LINGO2: variants seen among roughly 807,000 people sequenced by gnomAD.
LINGO2 encodes leucine rich repeat and Ig domain containing 2.
Under a neutral mutation model 30.6 loss-of-function variants are expected in LINGO2, and 14 were observed. That is an observed-to-expected ratio of 0.46 (90% CI 0.30 to 0.72). The LOEUF (loss-of-function observed/expected upper bound fraction) is 0.72, where lower values mean the gene tolerates loss of function less well. Among genes scored for constraint, LINGO2 ranks in the 30% least tolerant of loss-of-function variants. The pLI is 0.07. For synonymous variants in LINGO2, 317 were observed against 288.5 expected (o/e 1.10, Z -1.00); for missense variants, 729 against 751.7 (o/e 0.97, Z 0.35).
At chr9:28,674,842 T>C (rs566762988), upstream of LINGO2, among the ~76,000 whole-genome samples, 2 of 152,240 alleles carry the variant, frequency 1.3e-5, no homozygotes, top group East Asian at 3.9e-4. Flanking sequence ...TAACACAGCA[T>C]CACTAAAGGA....
At chr9:29,151,788 C>T in the LINGO2 span, among the ~76,000 whole-genome samples, 2 of 152,106 alleles carry the variant, frequency 1.3e-5, no homozygotes, top group Admixed American at 1.3e-4. Flanking sequence ...GACAGATATA[C>T]AGTAATAGTG....
chr9:27,989,445 CTGTGTGTGTGTGTG>C lies in LINGO2; in HGVS notation c.-36+22896_-36+22909del, dbSNP rs5897262. On this transcript the variant is annotated intron_variant, in intron 5 of 5. Transcript: ENST00000379992. ...TAATGAATAACAGAGTGAATGCTCT[CTGTGTGTGTGTGTG>C]TGTGTGTGTGTGTGTGTGTATGTGT... 1.3e-4 allele frequency among the ~76,000 whole-genome samples: 19 copies of C among 150,376 alleles called. 1 individual carries two copies. The highest frequency in any genetic ancestry group is 4.2e-4 in the South Asian group (2 of 4,746).
intron 1 of LINGO2, among the ~76,000 whole-genome samples, chr9:28,550,953 T>C (rs1822248413): frequency 6.6e-6 from 1 of 151,726 alleles, no homozygotes; most frequent in Non-Finnish European, 1.5e-5. Flanking sequence ...AGTAGTTACT[T>C]ATGAGAGAAA....
intron 1 of LINGO2, among the ~76,000 whole-genome samples, chr9:28,656,690 G>C (rs1828359856): frequency 6.6e-6 from 1 of 152,014 alleles, no homozygotes; most frequent in Admixed American, 6.6e-5. Flanking sequence ...ATAGGGACAA[G>C]GAGGAAAATT....
At chr9:28,046,322 G>A (rs2133026754) in intron 4 of LINGO2, among the ~76,000 whole-genome samples, 1 of 152,252 alleles carries the variant, frequency 6.6e-6, no homozygotes, top group Middle Eastern at 3.4e-3. Context: ...TCCAGTCTTA[G>A]CCTGTATCAG....
chr9:28,104,717 C>A (rs1256065162), intron 4 of LINGO2, among the ~76,000 whole-genome samples: 1 of 151,964 alleles, frequency 6.6e-6, no homozygotes, highest in African/African-American at 2.4e-5. Context: ...TCAAATTTGC[C>A]ATAATTTAAA....
At chr9:27,943,614 G>A (rs1823251455), downstream of LINGO2, 1 of 22,120 alleles carries the variant, frequency 4.5e-5, no homozygotes, top group South Asian at 5.2e-3. Context: ...GATAGCTGGA[G>A]GGTTTTTTTT....
chr9:28,916,959 A>G, the LINGO2 span, among the ~76,000 whole-genome samples: 1 of 152,212 alleles, frequency 6.6e-6, no homozygotes, highest in African/African-American at 2.4e-5. Flanking sequence ...TCTTCTCAAT[A>G]TATGTAAGGA....
the LINGO2 span, among the ~76,000 whole-genome samples, chr9:28,751,795 T>C: frequency 6.6e-6 from 1 of 152,030 alleles, no homozygotes; most frequent in Admixed American, 6.6e-5. Context: ...AAAGATTTTA[T>C]CGTATGTATT....
chr9:28,482,458 T>G (rs960932847), intron 1 of LINGO2, among the ~76,000 whole-genome samples: 8 of 152,224 alleles, frequency 5.3e-5, no homozygotes, highest in Non-Finnish European at 7.4e-5. Context: ...TTTGCCCACT[T>G]TTTGATGGGG....
At chr9:28,246,265 A>C (rs1424853161) in intron 4 of LINGO2, among the ~76,000 whole-genome samples, 2 of 152,046 alleles carry the variant, frequency 1.3e-5, no homozygotes, top group Non-Finnish European at 2.9e-5. Context: ...CTCTACTAAA[A>C]ATACCAAAAT....
At chr9:29,203,325 G>C in the LINGO2 span, among the ~76,000 whole-genome samples, 1 of 152,252 alleles carries the variant, frequency 6.6e-6, no homozygotes, top group South Asian at 2.1e-4. Context: ...AGTGTTTAAG[G>C]TTATGTTACA....
chr9:29,076,249 A>C, the LINGO2 span, among the ~76,000 whole-genome samples: 1 of 152,216 alleles, frequency 6.6e-6, no homozygotes, highest in East Asian at 1.9e-4. Flanking sequence ...ATTTCATTAC[A>C]AAGCAACATT....
At chr9:28,099,823 CAA>C (rs1416095840) in intron 4 of LINGO2, among the ~76,000 whole-genome samples, 4 of 152,148 alleles carry the variant, frequency 2.6e-5, no homozygotes, top group African/African-American at 9.7e-5. Context: ...CCACTGCCCC[CAA>C]AGTTGCCATG....
chr9:28,656,075 A>C (rs1588033956), intron 1 of LINGO2, among the ~76,000 whole-genome samples: 1 of 152,110 alleles, frequency 6.6e-6, no homozygotes, highest in African/African-American at 2.4e-5. Context: ...AAATTAGGCA[A>C]CACTGCATTG....
At chr9:28,364,047 G>C (rs1400162998) in intron 3 of LINGO2, among the ~76,000 whole-genome samples, 2 of 151,322 alleles carry the variant, frequency 1.3e-5, no homozygotes, top group Non-Finnish European at 2.9e-5. Context: ...ACCCCTGGTA[G>C]TCATGTGAGT....
the LINGO2 span, among the ~76,000 whole-genome samples, chr9:29,104,539 T>C: frequency 6.6e-6 from 1 of 152,128 alleles, no homozygotes; most frequent in Admixed American, 6.5e-5. Flanking sequence ...CTCGGGTAGT[T>C]CTTTATAGCA....
chr9:28,937,991 T>G, the LINGO2 span, among the ~76,000 whole-genome samples: 1 of 152,256 alleles, frequency 6.6e-6, no homozygotes, highest in East Asian at 1.9e-4. Context: ...GCTACATATT[T>G]ATGTTTTCTT....
chr9:28,764,812 A>C, the LINGO2 span, among the ~76,000 whole-genome samples: 2,573 of 152,120 alleles, frequency 0.017, 32 homozygotes, highest in Middle Eastern at 0.086. Context: ...GTTACAGGAT[A>C]CAAAATCAAC....
Sources: allele counts gnomAD v4.1 joint callset (sites outside exome capture counted in the v4.1 genomes callset), GRCh38; gene constraint gnomAD v4.1.1; transcripts MANE v1.5; gene names NCBI Gene and HGNC (gene_info 2026-07-23, HGNC 2026-07-21).